Variants in ASTN2 observed in about 807,000 individuals in gnomAD.
ASTN2 encodes the protein astrotactin-2.
ASTN2 carries 54 observed loss-of-function variants against 139.8 expected under a neutral mutation model. The observed-to-expected ratio is 0.39, with a 90% CI of 0.31 to 0.48. ASTN2 has a LOEUF of 0.48. Among genes scored for constraint, ASTN2 ranks in the 20% least tolerant of loss-of-function variants. The pLI is 0.95. For missense variants in ASTN2, 1,565 were observed against 1,725.1 expected (o/e 0.91, Z 1.64); for synonymous variants, 756 against 719.5 (o/e 1.05, Z -0.81).
intron 11 of ASTN2, among the ~76,000 whole-genome samples, chr9:116,848,970 G>C (rs1184915044): frequency 6.6e-6 from 1 of 152,162 alleles, no homozygotes; most frequent in African/African-American, 2.4e-5. Context: ...ATAAATCAGG[G>C]TTCCCACAAT....
chr9:117,356,766 T>C (rs562883519), intron 1 of ASTN2, among the ~76,000 whole-genome samples: 1 of 152,210 alleles, frequency 6.6e-6, no homozygotes, highest in Admixed American at 6.5e-5. Context: ...TCAGGAAAGA[T>C]AAAGAATTGA....
chr9:116,891,868 A>G (rs1833770601), intron 10 of ASTN2, among the ~76,000 whole-genome samples: 1 of 152,236 alleles, frequency 6.6e-6, no homozygotes, highest in Non-Finnish European at 1.5e-5. Context: ...GTGAGGATGA[A>G]ATGAATTGAT....
chr9:117,324,913 T>C (rs922652297), intron 1 of ASTN2, among the ~76,000 whole-genome samples: 13 of 152,094 alleles, frequency 8.5e-5, no homozygotes, highest in Non-Finnish European at 5.9e-5. Flanking sequence ...GGAAGGGATA[T>C]ATCTATGGGC....
At chr9:116,804,940 G>T (rs899109958) in intron 13 of ASTN2, among the ~76,000 whole-genome samples, 1 of 151,828 alleles carries the variant, frequency 6.6e-6, no homozygotes, top group African/African-American at 2.4e-5. Context: ...TGAGGCATAA[G>T]TAAGTCACCA....
At chr9:116,900,356 C>T (rs925933747) in intron 10 of ASTN2, among the ~76,000 whole-genome samples, 3 of 152,122 alleles carry the variant, frequency 2.0e-5, no homozygotes, top group Admixed American at 2.0e-4. Flanking sequence ...TGTGGAAGGA[C>T]ATGACAGAGA....
At chr9:116,646,882 G>C (rs1857616066) in intron 17 of ASTN2, among the ~76,000 whole-genome samples, 1 of 152,126 alleles carries the variant, frequency 6.6e-6, no homozygotes, top group South Asian at 2.1e-4. Flanking sequence ...GTACAGTTCT[G>C]CCTGACTTCT....
intron 4 of ASTN2, among the ~76,000 whole-genome samples, chr9:117,130,703 G>A (rs1186541002): frequency 6.6e-6 from 1 of 152,164 alleles, no homozygotes; most frequent in East Asian, 1.9e-4. Context: ...TACATGACTT[G>A]CCTGTTTTCT....
At chr9:117,007,272 A>C (rs944264065) in intron 7 of ASTN2, among the ~76,000 whole-genome samples, 3 of 151,998 alleles carry the variant, frequency 2.0e-5, no homozygotes, top group Non-Finnish European at 4.4e-5. Context: ...TTTCCCCTAC[A>C]CCGGCATCTA....
chr9:117,260,809 C>T (rs1338116713), intron 2 of ASTN2, among the ~76,000 whole-genome samples: 1 of 152,174 alleles, frequency 6.6e-6, no homozygotes, highest in African/African-American at 2.4e-5. Context: ...CCAATAGGCA[C>T]ATACCATGTA....
rs368415037 is a variant in ASTN2, at chr9:117,401,288, T to A, written c.442+13209A>T. Among the ~76,000 whole-genome samples, 8 of 152,176 alleles carry A rather than the reference T, an allele frequency of 5.3e-5. No individual in the cohort carries two copies. In the East Asian group the frequency reaches 5.8e-4, roughly 11 times the overall value. ...GAGCAAAATGATGAACAAGACACAC[T>A]CCCTGCCTCCAAATACCTGTCAGGT... On this transcript the variant is annotated intron_variant, in intron 1 of 22. Coordinates refer to ENST00000313400, the MANE Select transcript of ASTN2 (RefSeq NM_001365068.1).
chr9:116,789,830 A>G (rs1057282351), intron 13 of ASTN2, among the ~76,000 whole-genome samples: 2 of 151,832 alleles, frequency 1.3e-5, no homozygotes, highest in Non-Finnish European at 2.9e-5. Context: ...AGTAAGTGGT[A>G]TCTCACAGAT....
chr9:116,878,509 A>C (rs771704883), intron 10 of ASTN2, among the ~76,000 whole-genome samples: 5 of 152,108 alleles, frequency 3.3e-5, no homozygotes, highest in Non-Finnish European at 5.9e-5. Flanking sequence ...ACGAGAACAC[A>C]TGGACACAGG....
At chr9:116,840,478 C>T (rs1162190588) in intron 11 of ASTN2, among the ~76,000 whole-genome samples, 72 of 139,520 alleles carry the variant, frequency 5.2e-4, no homozygotes, top group Non-Finnish European at 5.1e-4. Flanking sequence ...CCTCACCTCC[C>T]GGACGGGGCG....
chr9:116,800,618 A>G (rs750275354), intron 13 of ASTN2, among the ~76,000 whole-genome samples: 2 of 152,182 alleles, frequency 1.3e-5, no homozygotes, highest in African/African-American at 2.4e-5. Context: ...GATAGAACAC[A>G]TGGCTCTCCT....
chr9:116,992,636 C>G (rs1484719734), intron 7 of ASTN2, among the ~76,000 whole-genome samples: 1 of 152,102 alleles, frequency 6.6e-6, no homozygotes, highest in East Asian at 1.9e-4. Flanking sequence ...TTTCTCTTCT[C>G]CTTTCACCCT....
intron 5 of ASTN2, among the ~76,000 whole-genome samples, chr9:117,075,488 GAGGGGA>G (rs1264203226): frequency 7.9e-5 from 12 of 151,524 alleles, no homozygotes; most frequent in South Asian, 4.2e-4. Flanking sequence ...TGGGCAGATG[GAGGGGA>G]AGGGGGAGGG....
intron 1 of ASTN2, among the ~76,000 whole-genome samples, chr9:117,327,517 C>T (rs1828556247): frequency 6.6e-6 from 1 of 151,982 alleles, no homozygotes; most frequent in Non-Finnish European, 1.5e-5. Flanking sequence ...GAGTTGAGAC[C>T]ACATCTGAGA....
intron 19 of ASTN2, among the ~76,000 whole-genome samples, chr9:116,558,092 T>C (rs1377455046): frequency 6.6e-6 from 1 of 152,214 alleles, no homozygotes; most frequent in African/African-American, 2.4e-5. Flanking sequence ...TCCTATATCA[T>C]GGGTGCTGAG....
chr9:117,325,472 A>C (rs1749472603), intron 1 of ASTN2, among the ~76,000 whole-genome samples: 1 of 152,046 alleles, frequency 6.6e-6, no homozygotes, highest in Non-Finnish European at 1.5e-5. Context: ...ATCTCATAAC[A>C]AAGGAGCTGG....
Sources: allele counts gnomAD v4.1 joint callset (sites outside exome capture counted in the v4.1 genomes callset), GRCh38; gene constraint gnomAD v4.1.1; transcripts MANE v1.5; gene names NCBI Gene and HGNC (gene_info 2026-07-23, HGNC 2026-07-21).